SEC14L4: variants seen among roughly 807,000 people sequenced by gnomAD.
SEC14L4 encodes the protein SEC14-like protein 4.
A neutral mutation model predicts 55.1 loss-of-function variants in SEC14L4; 42 were observed. That is an observed-to-expected ratio of 0.76 (90% CI 0.60 to 0.99). The LOEUF (loss-of-function observed/expected upper bound fraction) is 0.99. Ranked by LOEUF, SEC14L4 falls within the 50% of genes least tolerant of loss-of-function variation. SEC14L4 has a pLI of 0.00. For missense variants in SEC14L4, 445 were observed against 512.1 expected (o/e 0.87, Z 1.27); for synonymous variants, 206 against 206.8 (o/e 1.00, Z 0.03).
intron 2 of SEC14L4, among the ~76,000 whole-genome samples, chr22:30,499,004 G>A (rs796069824): frequency 7.9e-5 from 12 of 151,864 alleles, no homozygotes; most frequent in African/African-American, 2.2e-4. Context: ...GCAGTGGCGC[G>A]ATCTCGGCTC....
Position 30,492,112 on chromosome 22 carries a change from C to A in SEC14L4, c.708G>T (p.Gln236His). 1 of 1,613,852 alleles carries A rather than the reference C, an allele frequency of 6.2e-7. No individual in the cohort carries two copies. Among genetic ancestry groups the A allele is most frequent in the Non-Finnish European group, 8.5e-7 (1 of 1,179,836 alleles). Residue 236 changes from glutamine to histidine, a missense_variant, in exon 9 of 12, where the codon CAG becomes CAT. By Grantham distance (24) the Gln-to-His change is conservative. Transcript: ENST00000255858. ...QELTKFISPD[Q>H]LPVEFGGTMT... ...TGGTCCCCCCAAACTCCACAGGCAGCTGGTCGGGGCTGATGAATTTTGTCA... is the reference window on the plus strand; with the variant it reads ...TGGTCCCCCCAAACTCCACAGGCAGATGGTCGGGGCTGATGAATTTTGTCA...
Position 30,494,956 on chromosome 22 carries a change from G to C in SEC14L4, c.429C>G (p.Gly143=). The C allele has an allele frequency of 6.2e-7, 1 of 1,612,986 alleles. No individual in the cohort carries two copies. The highest frequency in any genetic ancestry group is 1.1e-5 in the South Asian group (1 of 91,040). The change falls in exon 6 of 12, where the codon GGC becomes GGG. Residue 143 remains glycine, a synonymous_variant. Coordinates refer to ENST00000255858, the MANE Select transcript of SEC14L4 (RefSeq NM_174977.4). ...HECELQTQKL[G]RKIEMALMVF... is the part of the protein sequence containing the mutation. ...CCATCAGCGCCATCTCGATCTTCCT[G>C]CCCAGCTGCTTGGGACAGAGTCATA... is the stretch of plus-strand genomic sequence containing the variant.
At chr22:30,497,829 C>T (rs563420796) in intron 2 of SEC14L4, among the ~76,000 whole-genome samples, 1 of 152,140 alleles carries the variant, frequency 6.6e-6, no homozygotes, top group Admixed American at 6.6e-5. Context: ...TCAAAGAGAA[C>T]GTTCTGTGAT....
rs754894053 is a variant in SEC14L4, at chr22:30,505,619, G to A, written c.-8C>T. The A allele has an allele frequency of 3.9e-6, 6 of 1,552,064 alleles. No homozygotes were observed. Among genetic ancestry groups the A allele is most frequent in the Non-Finnish European group, 5.2e-6 (6 of 1,153,674 alleles). On this transcript the variant is annotated 5_prime_UTR_variant, in exon 1 of 12. Transcript: ENST00000255858. ...CCCGACTCGGCTGCTCATGGTGCCC[G>A]CGGGCGCAGAAAGGCTCAGGGCGCA... is the stretch of plus-strand genomic sequence containing the variant.
rs1442543981 is a variant in SEC14L4, at chr22:30,495,227, A to T, written c.423+27T>A. The T allele has an allele frequency of 3.8e-6, 6 of 1,567,138 alleles. No homozygotes were observed. In the South Asian group the frequency reaches 7.2e-5, roughly 19 times the overall value. On this transcript the variant is annotated intron_variant, in intron 5 of 11. Transcript: ENST00000255858. ...CCTGGTGCCACCCTGTAGACAGATG[A>T]GGCCCAGCCCCACCCCCGCTGCTCA...
intron 1 of SEC14L4, among the ~76,000 whole-genome samples, chr22:30,505,081 G>A (rs1447439530): frequency 6.7e-6 from 1 of 148,678 alleles, no homozygotes; most frequent in Non-Finnish European, 1.5e-5. Flanking sequence ...GCAGTGAACC[G>A]AGATTGCGCC....
chr22:30,492,304 TC>T (rs2146166889), intron 8 of SEC14L4, 149 bp from the exon 9 acceptor site: 2 of 1,195,842 alleles, frequency 1.7e-6, no homozygotes, highest in Non-Finnish European at 2.4e-6. Context: ...TTTATGTGGC[TC>T]CCAGCCCACG....
At chr22:30,495,891 C>T (rs762107714) in intron 3 of SEC14L4, 37 bp downstream of exon 3, 1 of 1,607,216 alleles carries the variant, frequency 6.2e-7, no homozygotes, top group African/African-American at 1.3e-5. Flanking sequence ...GGTCACAGTG[C>T]ATGGAAGGCA....
At chr22:30,500,783 T>TTTTTTTTTGAA (rs1936294415) in intron 2 of SEC14L4, among the ~76,000 whole-genome samples, 1 of 141,010 alleles carries the variant, frequency 7.1e-6, no homozygotes, top group Non-Finnish European at 1.5e-5. Context: ...TTTTTTTTTT[T>TTTTTTTTTGAA]AGTAACACCT....
At chr22:30,500,793 T>C (rs1936295760) in intron 2 of SEC14L4, among the ~76,000 whole-genome samples, 2 of 109,476 alleles carry the variant, frequency 1.8e-5, no homozygotes, top group South Asian at 6.5e-4. Flanking sequence ...TAGTAACACC[T>C]ACTATGCGCC....
At position 30,495,597 on chromosome 22, in the gene SEC14L4, A is replaced by G. The variant is rs550650965; in HGVS notation, c.220T>C (p.Trp74Arg). Residue 74 changes from tryptophan to arginine, a missense_variant, in exon 4 of 12, where the codon TGG (tryptophan) becomes CGG (arginine). Transcript: ENST00000255858. ...TCGAGGCTCACCTCAGGGGGCTGCCATGTGACAATGTTGTCCAGGTCTTGT... is the reference window on the plus strand; with the variant it reads ...TCGAGGCTCACCTCAGGGGGCTGCCGTGTGACAATGTTGTCCAGGTCTTGT... ...KQQDLDNIVT[W>R]QPPEVIQLYD... The G allele has an allele frequency of 6.2e-7, 1 of 1,613,864 alleles. No individual in the cohort carries two copies. Among genetic ancestry groups the G allele is most frequent in the Non-Finnish European group, 8.5e-7 (1 of 1,180,036 alleles).
chr22:30,502,182 AC>A (rs1461270812), intron 2 of SEC14L4, among the ~76,000 whole-genome samples: 4 of 152,132 alleles, frequency 2.6e-5, no homozygotes, highest in Non-Finnish European at 5.9e-5. Flanking sequence ...TTGAAAAAAA[AC>A]AAAAAAACAA....
In SEC14L4 at chr22:30,499,288, G is replaced by C. The variant is rs374838608; in HGVS notation, c.131-3317C>G. Among the ~76,000 whole-genome samples, 110 of 150,172 alleles carry C rather than the reference G, an allele frequency of 7.3e-4. 1 individual carries two copies. In the South Asian group the frequency reaches 0.023, roughly 32 times the overall value. Reference sequence around the variant, plus strand: ...TTAACTGATGGGGTTTCACCATGTTGGCCAGGCTGGTCTGGAACTCCTGAC... The same window carrying C: ...TTAACTGATGGGGTTTCACCATGTTCGCCAGGCTGGTCTGGAACTCCTGAC... On this transcript the variant is annotated intron_variant, in intron 2 of 11. Coordinates refer to ENST00000255858, the MANE Select transcript of SEC14L4 (RefSeq NM_174977.4).
chr22:30,495,831 A>G, intron 3 of SEC14L4, 97 bp downstream of exon 3: 1 of 1,591,118 alleles, frequency 6.3e-7, no homozygotes, highest in South Asian at 1.1e-5. Flanking sequence ...AAGAAGAAAC[A>G]GGAGAATGGG....
At chr22:30,500,245 G>A (rs538969839) in intron 2 of SEC14L4, among the ~76,000 whole-genome samples, 1 of 152,112 alleles carries the variant, frequency 6.6e-6, no homozygotes, top group East Asian at 1.9e-4. Flanking sequence ...GGAAGTTTTT[G>A]CTGCCATTTC....
intron 1 of SEC14L4, 95 bp from the exon 2 acceptor site, chr22:30,503,847 A>G (rs1358031718): frequency 1.1e-5 from 10 of 904,332 alleles, no homozygotes; most frequent in African/African-American, 8.2e-5. Flanking sequence ...CCACCAGTCA[A>G]CTCCACCAGA....
In SEC14L4 at chr22:30,491,658, C is replaced by G; in HGVS notation, c.996G>C (p.Glu332Asp). Residue 332 changes from glutamate to aspartate, a missense_variant, in exon 11 of 12, where the codon GAG (glutamate) becomes GAC (aspartate). Physicochemically the swap from Glu to Asp is conservative, Grantham distance 45. Transcript: ENST00000255858. ...GCTGGCTGGGCAGCACCTCCGTCAT[C>G]TCCCTAGCACTCTGCTGCTCCCCCA... is the stretch of plus-strand genomic sequence containing the variant. ...TKMGEQQSAR[E>D]MTEVLPSQRY... The G allele has an allele frequency of 6.2e-7, 1 of 1,614,206 alleles. No homozygotes were observed.
In SEC14L4 at chr22:30,503,700, T is replaced by C; in HGVS notation, c.107A>G (p.Tyr36Cys). Residue 36 changes from tyrosine (Y) to cysteine (C), a missense_variant, in exon 2 of 12, where the codon TAC (tyrosine) becomes TGC (cysteine). Physicochemically the swap from Tyr to Cys is radical, Grantham distance 194. Transcript: ENST00000255858. ...LLPILPNADD[Y>C]FLLRWLRARN... ...ACCTCGCAGCCAGCGCAGGAGGAAG[T>C]AGTCATCAGCATTGGGCAGTATGGG... 2 of 1,612,296 alleles carry C rather than the reference T, an allele frequency of 1.2e-6. No homozygotes were observed. Among genetic ancestry groups the C allele is most frequent in the Non-Finnish European group, 1.7e-6 (2 of 1,178,902 alleles).
chr22:30,491,382 C>T (rs930673365), intron 11 of SEC14L4, 191 bp downstream of exon 11: 19 of 652,828 alleles, frequency 2.9e-5, no homozygotes, highest in Non-Finnish European at 4.7e-5. Context: ...TTCTGAATAC[C>T]AGCTCTTCCC....
Sources: allele counts gnomAD v4.1 joint callset (sites outside exome capture counted in the v4.1 genomes callset), GRCh38; gene constraint gnomAD v4.1.1; transcripts MANE v1.5; gene names NCBI Gene and HGNC (gene_info 2026-07-23, HGNC 2026-07-21).